ADCY3: variants seen among roughly 807,000 people sequenced by gnomAD.
ADCY3 encodes the protein adenylate cyclase 3, also known as adenylate cyclase type 3.
In ADCY3, 70 loss-of-function variants were observed where a neutral mutation model predicts 119.4. The observed-to-expected ratio is 0.59, with a 90% CI of 0.48 to 0.72. The LOEUF (loss-of-function observed/expected upper bound fraction) is 0.72, where lower values mean the gene tolerates loss of function less well. Among genes scored for constraint, ADCY3 ranks in the 30% least tolerant of loss-of-function variants. The pLI is 0.00. For synonymous variants in ADCY3, 672 were observed against 621.4 expected, an observed-to-expected ratio of 1.08 and a Z score of -1.21; for missense variants, 1,238 against 1,541.6, an observed-to-expected ratio of 0.80 and a Z score of 3.30.
intron 2 of ADCY3, among the ~76,000 whole-genome samples, chr2:24,893,328 G>A (rs189834677): frequency 9.7e-4 from 148 of 152,178 alleles, no homozygotes; most frequent in Middle Eastern, 3.4e-3. Flanking sequence ...CCGAGATCAC[G>A]CTGCTGCACT....
chr2:24,841,633 G>A lies in ADCY3; in HGVS notation c.991C>T (p.Leu331=). Residue 331 remains leucine (L), a synonymous_variant, in exon 5 of 22, where the codon CTG becomes TTG. Transcript: ENST00000679454. The surrounding 1 kb of genome is among the most constrained non-coding windows in gnomAD (Gnocchi z 5.8). ...TCCTGGGCACTGCAGGCAGAAGACA[G>A]CTGGGTAAAGCCCACGATGTCGGCA... The part of the protein sequence containing the change: ...LFADIVGFTQ[L]SSACSAQELV... The A allele has an allele frequency of 1.2e-6, 2 of 1,613,746 alleles. No homozygotes were observed. The highest frequency in any genetic ancestry group is 1.7e-6 in the Non-Finnish European group (2 of 1,179,992).
chr2:24,819,863 C>G lies in ADCY3; in HGVS notation c.*69G>C. On this transcript the variant is annotated 3_prime_UTR_variant, in exon 22 of 22. Transcript: ENST00000679454. ...AGTGTGCACTTCAATCCAGGAAGGT[C>G]GGGACTTCCTTCAGTTTCAAAAAAT... The G allele has an allele frequency of 6.6e-7, 1 of 1,513,676 alleles. No individual in the cohort carries two copies. The highest frequency in any genetic ancestry group is 9.0e-7 in the Non-Finnish European group (1 of 1,111,068). The allele number at this position is 1,513,676 out of a possible 1,614,324, so 93.8% of individuals were successfully genotyped here. A position where few individuals can be genotyped will look rare whatever the true frequency, so the allele number is the denominator to read the frequency against.
At chr2:24,830,196 A>T (rs1234108507) in intron 13 of ADCY3, among the ~76,000 whole-genome samples, 4 of 151,240 alleles carry the variant, frequency 2.6e-5, no homozygotes, top group Non-Finnish European at 1.5e-5. Flanking sequence ...GTGCACCACC[A>T]TGCCTGGCTA....
chr2:24,867,064 G>A (rs913623460), intron 3 of ADCY3, among the ~76,000 whole-genome samples: 1 of 152,208 alleles, frequency 6.6e-6, no homozygotes, highest in Non-Finnish European at 1.5e-5. Flanking sequence ...CAACATTCAA[G>A]AAGCTCTTTG....
chr2:24,836,014 T>G (rs1195985996), intron 9 of ADCY3, among the ~76,000 whole-genome samples: 3 of 151,968 alleles, frequency 2.0e-5, no homozygotes, highest in African/African-American at 7.3e-5. Flanking sequence ...CCAGATAATG[T>G]TTCCCCAGCC....
intron 3 of ADCY3, among the ~76,000 whole-genome samples, chr2:24,870,128 A>G (rs1272961909): frequency 1.3e-5 from 2 of 150,884 alleles, no homozygotes; most frequent in African/African-American, 2.4e-5. Flanking sequence ...CCTGGCCAAC[A>G]TGGTGAAACC....
At position 24,842,978 on chromosome 2, in the gene ADCY3, GAAGC is replaced by G. The variant is rs1671222510; in HGVS notation, c.826-598_826-595del. On this transcript the variant is annotated intron_variant, in intron 3 of 21. Transcript: ENST00000679454. The surrounding 1 kb of genome is among the most constrained non-coding windows in gnomAD (Gnocchi z 4.9). ...AGAGAGCAGAGGACGGCGCAAGAGA[GAAGC>G]AGGGGCCAAGGTCGGCCGGGGAGGA... Among the ~76,000 whole-genome samples the G allele has an allele frequency of 6.6e-6, 1 of 152,224 alleles. No homozygotes were observed.
chr2:24,892,906 C>T (rs139267664), intron 2 of ADCY3, among the ~76,000 whole-genome samples: 151 of 152,246 alleles, frequency 9.9e-4, no homozygotes, highest in African/African-American at 2.9e-3. Context: ...TCAAGTGATC[C>T]GCCCACCTTG....
chr2:24,822,652 G>T (rs1272116874), intron 18 of ADCY3, 22 bp from the exon 19 acceptor site: 4 of 1,612,454 alleles, frequency 2.5e-6, no homozygotes, highest in Non-Finnish European at 3.4e-6. Flanking sequence ...ATTCAGGAAA[G>T]AATTGTCAGC....
At chr2:24,875,666 G>T (rs981181314) in intron 2 of ADCY3, among the ~76,000 whole-genome samples, 4 of 152,176 alleles carry the variant, frequency 2.6e-5, no homozygotes, top group African/African-American at 7.2e-5. Context: ...CCTGGGTGGG[G>T]AGTCCCCCTC....
At position 24,915,819 on chromosome 2, in the gene ADCY3, G is replaced by A. The variant is rs79316555; in HGVS notation, c.675+2494C>T. Among the ~76,000 whole-genome samples the A allele has an allele frequency of 2.0e-3, 303 of 152,338 alleles. 9 individuals are homozygous for A. The East Asian group carries it at 0.049, about 25-fold the overall frequency. On this transcript the variant is annotated intron_variant, in intron 2 of 21. Coordinates refer to ENST00000679454, the MANE Select transcript of ADCY3 (RefSeq NM_004036.5). ...GCCTGCCAAAGTTCTGGGATTACAG[G>A]CATGAGCCACCATGCCCGGCCCCAT...
intron 3 of ADCY3, among the ~76,000 whole-genome samples, chr2:24,849,465 G>A (rs1428256703): frequency 6.6e-6 from 1 of 152,202 alleles, no homozygotes; most frequent in African/African-American, 2.4e-5. Flanking sequence ...TCTGGGGGTG[G>A]GACAGGGGGA....
intron 13 of ADCY3, among the ~76,000 whole-genome samples, chr2:24,828,678 C>A (rs978335087): frequency 6.6e-6 from 1 of 152,238 alleles, no homozygotes; most frequent in Non-Finnish European, 1.5e-5. Context: ...CGGGAGAAAG[C>A]GCATCCAGAA....
At chr2:24,861,351 G>T (rs772559238) in intron 3 of ADCY3, among the ~76,000 whole-genome samples, 11 of 151,772 alleles carry the variant, frequency 7.2e-5, no homozygotes, top group Admixed American at 3.3e-4. Context: ...TTTTGCAGAG[G>T]GTAGATTAAC....
rs77619458 is a variant in ADCY3, at chr2:24,841,039, G to C, written c.1196+220C>G. Among the ~76,000 whole-genome samples, 10,340 of 152,314 alleles carry C rather than the reference G, an allele frequency of 0.068. 413 individuals carry two copies. Among genetic ancestry groups the C allele is most frequent in the South Asian group, 0.18 (862 of 4,828 alleles). ...GGAAAAGTGTGCCCCACAGGCTGGGGGAGCCTCGCAGGTCCCCTGGGCTGT... is the reference window on the plus strand; with the variant it reads ...GGAAAAGTGTGCCCCACAGGCTGGGCGAGCCTCGCAGGTCCCCTGGGCTGT... On this transcript the variant is annotated intron_variant, in intron 6 of 21. Transcript: ENST00000679454. This position sits in a 1 kb window ranked among gnomAD's most constrained non-coding sequence, Gnocchi z 5.8.
At chr2:24,916,642 A>G (rs550239311) in intron 2 of ADCY3, among the ~76,000 whole-genome samples, 1 of 152,026 alleles carries the variant, frequency 6.6e-6, no homozygotes, top group South Asian at 2.1e-4. Flanking sequence ...AGATCGCGCC[A>G]TTGCACTCCA....
At position 24,878,308 on chromosome 2, in the gene ADCY3, C is replaced by T. The variant is rs181187384; in HGVS notation, c.676-5589G>A. On this transcript the variant is annotated intron_variant, in intron 2 of 21. Transcript: ENST00000679454. The surrounding 1 kb of genome is among the most constrained non-coding windows in gnomAD (Gnocchi z 4.0). ...TCCTCCCTCCTGGAAGTTTACGCATCGCAAGATCCTTCACGTTTGCTAACA... is the reference window on the plus strand; with the variant it reads ...TCCTCCCTCCTGGAAGTTTACGCATTGCAAGATCCTTCACGTTTGCTAACA... 6.6e-6 allele frequency among the ~76,000 whole-genome samples: 1 copy of T among 152,104 alleles called. No individual in the cohort carries two copies. The highest frequency in any genetic ancestry group is 1.5e-5 in the Non-Finnish European group (1 of 68,034).
chr2:24,912,614 T>C (rs1663914140), intron 2 of ADCY3, among the ~76,000 whole-genome samples: 1 of 146,970 alleles, frequency 6.8e-6, no homozygotes, highest in East Asian at 2.0e-4. Context: ...CATGTGTGTG[T>C]GTGTGTGTGT....
chr2:24,902,681 G>A (rs898545857), intron 2 of ADCY3, among the ~76,000 whole-genome samples: 1 of 151,838 alleles, frequency 6.6e-6, no homozygotes, highest in South Asian at 2.1e-4. Flanking sequence ...GCTACTCAAC[G>A]TGAAGATGCA....
Sources: gnomAD v4.1 joint callset for allele counts (sites outside exome capture counted in the v4.1 genomes callset) on GRCh38, gnomAD v4.1.1 for gene constraint, Gnocchi (gnomAD v3.1) non-coding constraint, MANE v1.5 for transcripts, NCBI Gene and HGNC (gene_info 2026-07-23, HGNC 2026-07-21) for gene names.